VWA3A: variants seen among roughly 807,000 people sequenced by gnomAD.
VWA3A encodes the protein von Willebrand factor A domain-containing protein 3A.
Under a neutral mutation model 160.4 loss-of-function variants are expected in VWA3A, and 134 were observed. That is an observed-to-expected ratio of 0.84 (90% CI 0.73 to 0.96). VWA3A has a LOEUF of 0.96. Among genes scored for constraint, VWA3A ranks in the 40% least tolerant of loss-of-function variants. The pLI, the probability that VWA3A is intolerant of heterozygous loss-of-function variation, is 0.00. For synonymous variants in VWA3A, 476 were observed against 543.4 expected (o/e 0.88, Z 1.72); for missense variants, 1,310 against 1,447.9 (o/e 0.90, Z 1.55).
rs1444960940 is a variant in VWA3A at position 22,140,739 on chromosome 16, T to C, written c.2383+495T>C. Among the ~76,000 whole-genome samples the C allele has an allele frequency of 2.0e-5, 3 of 151,542 alleles. No homozygotes were observed. The East Asian group carries it at 5.9e-4, about 30-fold the overall frequency. The stretch of plus-strand genomic sequence containing the variant: ...GATTCTTGTGCCTCAGCCTCCTGAA[T>C]AGCTGGGACTACAGGTGTGTGCCAC... On this transcript the variant is annotated intron_variant, in intron 23 of 33. Coordinates refer to ENST00000389398, the MANE Select transcript of VWA3A (RefSeq NM_173615.5).
chr16:22,141,759 G>GTA, intron 24 of VWA3A, 67 bp downstream of exon 24: 1 of 1,415,922 alleles, frequency 7.1e-7, no homozygotes, highest in Non-Finnish European at 9.7e-7. Flanking sequence ...AGGGCAGCAG[G>GTA]TACCGTGGGA....
At chr16:22,109,424 A>G (rs2045523547) in intron 6 of VWA3A, 58 bp from the exon 7 acceptor site, 8 of 1,380,064 alleles carry the variant, frequency 5.8e-6, no homozygotes, top group Non-Finnish European at 1.0e-6. Context: ...AGAGCAGCTC[A>G]GTGTAGGAGA....
chr16:22,134,592 C>T (rs1251181094), intron 21 of VWA3A, among the ~76,000 whole-genome samples, 154 bp downstream of exon 21: 4 of 152,216 alleles, frequency 2.6e-5, no homozygotes, highest in Admixed American at 2.0e-4. Context: ...TCAGCAGGGC[C>T]AGGCTCCCTC....
At chr16:22,134,265 C>A in intron 20 of VWA3A, 103 bp from the exon 21 acceptor site, 1 of 900,918 alleles carries the variant, frequency 1.1e-6, no homozygotes, top group Non-Finnish European at 1.7e-6. Flanking sequence ...CCATTCCCAG[C>A]CCTCAAGTCA....
At chr16:22,151,363 A>G (rs1224642364) in intron 30 of VWA3A, among the ~76,000 whole-genome samples, 1 of 152,184 alleles carries the variant, frequency 6.6e-6, no homozygotes, top group Non-Finnish European at 1.5e-5. Context: ...CCACAGGGTG[A>G]AAACCCCTCT....
intron 8 of VWA3A, among the ~76,000 whole-genome samples, chr16:22,111,869 G>C (rs1407006047): frequency 6.6e-6 from 1 of 152,084 alleles, no homozygotes; most frequent in Non-Finnish European, 1.5e-5. Context: ...TTCCAGTCTT[G>C]GCCTCCCAAA....
intron 30 of VWA3A, among the ~76,000 whole-genome samples, chr16:22,151,754 T>A: frequency 6.6e-6 from 1 of 151,148 alleles, no homozygotes; most frequent in Non-Finnish European, 1.5e-5. Context: ...AGATAAGACA[T>A]ACTCAGCTCC....
At chr16:22,110,325 T>G (rs566325457) in intron 7 of VWA3A, among the ~76,000 whole-genome samples, 1 of 152,198 alleles carries the variant, frequency 6.6e-6, no homozygotes, top group Non-Finnish European at 1.5e-5. Flanking sequence ...TAGCCAGTTG[T>G]ATTTTGTACA....
intron 8 of VWA3A, among the ~76,000 whole-genome samples, chr16:22,112,393 G>A (rs2045565600): frequency 6.6e-6 from 1 of 152,196 alleles, no homozygotes; most frequent in Non-Finnish European, 1.5e-5. Context: ...CAAAGTGGTA[G>A]AGCCACGATG....
intron 3 of VWA3A, 95 bp downstream of exon 3, chr16:22,097,790 G>T: frequency 6.7e-7 from 1 of 1,483,320 alleles, no homozygotes; most frequent in Non-Finnish European, 9.0e-7. Context: ...CCTTCTCATA[G>T]GATTCTAGGA....
chr16:22,115,897 G>A (rs1330624255), intron 9 of VWA3A, among the ~76,000 whole-genome samples: 1 of 34,892 alleles, frequency 2.9e-5, no homozygotes, highest in Admixed American at 2.9e-4. Context: ...AAGGAAGGAA[G>A]GAAGGAAGGA....
chr16:22,115,989 AG>A (rs1367724542), intron 9 of VWA3A, among the ~76,000 whole-genome samples: 3 of 137,638 alleles, frequency 2.2e-5, no homozygotes, highest in Non-Finnish European at 4.7e-5. Context: ...AGAGAGAGAG[AG>A]GAGAGAGAGA....
rs1458543383 is a variant in VWA3A at position 22,118,995 on chromosome 16, C to A, written c.1084C>A (p.Pro362Thr). Residue 362 changes from proline (P) to threonine (T), a missense_variant, in exon 12 of 34, where the codon CCC (proline) becomes ACC (threonine). Physicochemically the swap from Pro to Thr is conservative, Grantham distance 38. Coordinates refer to ENST00000389398, the MANE Select transcript of VWA3A (RefSeq NM_173615.5). ...CGTGCAAGCCCTGCAGCACAGCAGCCCCTGTGAGGCGCTCACCTGCACCAT... is the reference window on the plus strand; with the variant it reads ...CGTGCAAGCCCTGCAGCACAGCAGCACCTGTGAGGCGCTCACCTGCACCAT... ...SHVQALQHSS[P>T]CEALTCTMEE... 1 of 1,613,410 alleles carries A rather than the reference C, an allele frequency of 6.2e-7. No homozygotes were observed. Among genetic ancestry groups the A allele is most frequent in the Non-Finnish European group, 8.5e-7 (1 of 1,179,672 alleles).
At chr16:22,143,729 A>ATTTC (rs200879037) in intron 25 of VWA3A, among the ~76,000 whole-genome samples, 20 of 145,660 alleles carry the variant, frequency 1.4e-4, no homozygotes, top group Non-Finnish European at 2.2e-4. Flanking sequence ...CACCCCCACT[A>ATTTC]TTTCTTTCTT....
At position 22,103,464 on chromosome 16, in the gene VWA3A, T is replaced by C; in HGVS notation, c.429-11T>C. 6.4e-7 allele frequency: 1 copy of C among 1,551,600 alleles called. No individual in the cohort carries two copies. The highest frequency in any genetic ancestry group is 8.7e-7 in the Non-Finnish European group (1 of 1,146,898). On this transcript the variant is annotated splice_polypyrimidine_tract_variant and intron_variant, in intron 5 of 33. Coordinates refer to ENST00000389398, the MANE Select transcript of VWA3A (RefSeq NM_173615.5). Reference sequence around the variant, plus strand: ...GGCCTTGGGTGATGAGTCTTTCTGATGTCTTGACAGCACTATTGAAGTCTA... The same window carrying C: ...GGCCTTGGGTGATGAGTCTTTCTGACGTCTTGACAGCACTATTGAAGTCTA...
intron 18 of VWA3A, 108 bp from the exon 19 acceptor site, chr16:22,131,477 A>T (rs1471808957): frequency 6.6e-6 from 10 of 1,518,608 alleles, no homozygotes; most frequent in Middle Eastern, 3.5e-4. Context: ...GAGAGTGATG[A>T]CATCGACTCC....
At chr16:22,149,749 C>A (rs373843103) in intron 28 of VWA3A, 38 bp from the exon 29 acceptor site, 2 of 1,561,720 alleles carry the variant, frequency 1.3e-6, no homozygotes, top group Non-Finnish European at 1.7e-6. Flanking sequence ...TCTTTCTCCC[C>A]TTCTCTGCCC....
At chr16:22,103,385 T>C (rs1363288012) in intron 5 of VWA3A, 90 bp from the exon 6 acceptor site, 61 of 1,217,316 alleles carry the variant, frequency 5.0e-5, no homozygotes, top group Non-Finnish European at 4.8e-5. Context: ...AAAAAAACAA[T>C]TATTCATACC....
At chr16:22,133,866 G>T (rs1347639412) in intron 20 of VWA3A, among the ~76,000 whole-genome samples, 1 of 152,094 alleles carries the variant, frequency 6.6e-6, no homozygotes, top group Non-Finnish European at 1.5e-5. Context: ...GTCATAGAAT[G>T]TCAGAGCTAG....
Sources: gnomAD v4.1 joint callset for allele counts (sites outside exome capture counted in the v4.1 genomes callset) on GRCh38, gnomAD v4.1.1 for gene constraint, MANE v1.5 for transcripts, NCBI Gene and HGNC (gene_info 2026-07-23, HGNC 2026-07-21) for gene names.